Variants in CYP2B6 observed in about 807,000 individuals in gnomAD.
CYP2B6 encodes the protein cytochrome P450 2B6.
A neutral mutation model predicts 43.4 loss-of-function variants in CYP2B6; 35 were observed. The ratio of observed to expected loss-of-function variants is 0.81; its 90% CI spans 0.62 to 1.07. The LOEUF (loss-of-function observed/expected upper bound fraction) is 1.07, where lower values mean the gene tolerates loss of function less well. Ranked by LOEUF, CYP2B6 falls within the 50% of genes least tolerant of loss-of-function variation. The pLI, the probability that CYP2B6 is intolerant of heterozygous loss-of-function variation, is 0.00. For synonymous variants in CYP2B6, 239 were observed against 239.2 expected (o/e 1.00, Z 0.01); for missense variants, 624 against 632.8 (o/e 0.99, Z 0.15).
intron 1 of CYP2B6, among the ~76,000 whole-genome samples, chr19:40,994,243 G>A (rs1419162169): frequency 6.6e-6 from 1 of 152,140 alleles, no homozygotes; most frequent in African/African-American, 2.4e-5. Context: ...AAGCAGCAGT[G>A]AGCTAGGCCA....
chr19:41,009,538 G>A, intron 5 of CYP2B6, 143 bp downstream of exon 5: 1 of 868,240 alleles, frequency 1.2e-6, no homozygotes, highest in South Asian at 1.6e-5. Flanking sequence ...GGAAAGGGAG[G>A]AGAGAACATG....
At chr19:41,009,912 G>T in intron 5 of CYP2B6, 82 bp from the exon 6 acceptor site, 1 of 1,578,532 alleles carries the variant, frequency 6.3e-7, no homozygotes, top group South Asian at 1.1e-5. Context: ...GGCCAACGGA[G>T]GGCAGCCAGG....
chr19:41,006,544 A>G (rs1220646091), intron 3 of CYP2B6, among the ~76,000 whole-genome samples: 3 of 152,000 alleles, frequency 2.0e-5, no homozygotes, highest in Non-Finnish European at 4.4e-5. Flanking sequence ...TCCCAGAGTC[A>G]GAGGTGGGGC....
chr19:40,997,524 A>G (rs981335796), intron 1 of CYP2B6, among the ~76,000 whole-genome samples: 1 of 152,118 alleles, frequency 6.6e-6, no homozygotes, highest in African/African-American at 2.4e-5. Flanking sequence ...TATATATGCC[A>G]ATACTACTAT....
At chr19:41,001,810 A>G (rs2144664706) in intron 1 of CYP2B6, among the ~76,000 whole-genome samples, 1 of 152,308 alleles carries the variant, frequency 6.6e-6, no homozygotes, top group African/African-American at 2.4e-5. Flanking sequence ...ATTGGCAGAG[A>G]CAGATAAGCA....
At chr19:41,007,144 T>C (rs1374309010) in intron 4 of CYP2B6, 79 bp downstream of exon 4, 6 of 1,420,850 alleles carry the variant, frequency 4.2e-6, no homozygotes, top group Non-Finnish European at 6.0e-6. Flanking sequence ...TGACCTGTCT[T>C]GGGGGCTCAG....
rs777476154 is a variant in CYP2B6, at chr19:41,012,453, C to A, written c.1120C>A (p.His374Asn). 1.2e-6 allele frequency: 2 copies of A among 1,614,146 alleles called. No homozygotes were observed. Among genetic ancestry groups the A allele is most frequent in the Non-Finnish European group, 1.7e-6 (2 of 1,179,986 alleles). ...GGGTGTGCCCCACATTGTCACCCAA[C>A]ACACCAGCTTCCGAGGGTACATCAT... ...PMGVPHIVTQ[H>N]TSFRGYIIPK... The change falls in exon 7 of 9, where the codon CAC (histidine) becomes AAC (asparagine). Residue 374 changes from histidine to asparagine, a missense_variant. His to Asn is a moderately conservative substitution (Grantham distance 68). Coordinates refer to ENST00000324071, the MANE Select transcript of CYP2B6 (RefSeq NM_000767.5).
intron 1 of CYP2B6, among the ~76,000 whole-genome samples, chr19:41,001,457 C>T (rs1488279451): frequency 6.6e-6 from 1 of 152,060 alleles, no homozygotes; most frequent in African/African-American, 2.4e-5. Flanking sequence ...TTCTCCATTT[C>T]CCAATAAGCT....
intron 8 of CYP2B6, among the ~76,000 whole-genome samples, chr19:41,016,433 A>G (rs71337576): frequency 0.48 from 45,808 of 96,384 alleles, 11,812 homozygotes; most frequent in Middle Eastern, 0.64. Flanking sequence ...AAAAAAAAAA[A>G]AGAGAGAGAG....
At chr19:41,000,551 G>T (rs970105952) in intron 1 of CYP2B6, among the ~76,000 whole-genome samples, 1 of 152,146 alleles carries the variant, frequency 6.6e-6, no homozygotes. Context: ...TACAGGTAAA[G>T]GTCCCAAGTG....
chr19:41,008,684 A>G (rs1461843473), intron 4 of CYP2B6, among the ~76,000 whole-genome samples: 1 of 152,048 alleles, frequency 6.6e-6, no homozygotes, highest in Non-Finnish European at 1.5e-5. Flanking sequence ...AGAGATTAAG[A>G]AGGAAATTTA....
intron 4 of CYP2B6, among the ~76,000 whole-genome samples, chr19:41,008,621 A>G (rs1969231898): frequency 6.6e-6 from 1 of 151,762 alleles, no homozygotes; most frequent in Non-Finnish European, 1.5e-5. Context: ...AACCACAGAG[A>G]AAAGTCTGGA....
At position 41,017,077 on chromosome 19, in the gene CYP2B6, C is replaced by T; in HGVS notation, c.*250C>T. On this transcript the variant is annotated 3_prime_UTR_variant, in exon 9 of 9. Coordinates refer to ENST00000324071, the MANE Select transcript of CYP2B6 (RefSeq NM_000767.5). ...TTGTTTTTTGAGACAGAGTCTCACA[C>T]TGTTGCCCAGGCTGGAGTGCAGTGG... 1 of 295,046 alleles carries T rather than the reference C, an allele frequency of 3.4e-6. No homozygotes were observed. The highest frequency in any genetic ancestry group is 6.5e-6 in the Non-Finnish European group (1 of 154,398). The allele number at this position is 295,046 out of a possible 1,614,324, so 18.3% of individuals were successfully genotyped here.
Position 41,016,674 on chromosome 19 carries a change from C to T in CYP2B6, c.1323C>T (p.Ile441=), listed in dbSNP as rs143488417. Reference sequence around the variant, plus strand: ...AGCGGATTTGTCTTGGTGAAGGCATCGCCCGTGCGGAATTGTTCCTCTTCT... The same window carrying T: ...AGCGGATTTGTCTTGGTGAAGGCATTGCCCGTGCGGAATTGTTCCTCTTCT... ...LGKRICLGEG[I]ARAELFLFFT... The change falls in exon 9 of 9, where the codon ATC becomes ATT. Residue 441 remains isoleucine, a synonymous_variant. Coordinates refer to ENST00000324071, the MANE Select transcript of CYP2B6 (RefSeq NM_000767.5). The T allele has an allele frequency of 1.3e-4, 210 of 1,614,188 alleles. 1 individual carries two copies. The highest frequency in any genetic ancestry group is 1.1e-3 in the African/African-American group (84 of 75,062).
At chr19:41,004,698 A>G (rs992881403) in intron 3 of CYP2B6, among the ~76,000 whole-genome samples, 1 of 151,896 alleles carries the variant, frequency 6.6e-6, no homozygotes, top group Admixed American at 6.6e-5. Context: ...TCCAAGAGTT[A>G]CTCAAAGAGG....
At chr19:41,009,718 AACTC>A (rs1969248488) in intron 5 of CYP2B6, 1 of 595,188 alleles carries the variant, frequency 1.7e-6, no homozygotes, top group Non-Finnish European at 3.0e-6. Flanking sequence ...CAAGAGAAAA[AACTC>A]ACAGAGGCAG....
chr19:40,993,585 T>C (rs142110274), intron 1 of CYP2B6, among the ~76,000 whole-genome samples: 91 of 152,184 alleles, frequency 6.0e-4, no homozygotes, highest in Non-Finnish European at 1.1e-3. Flanking sequence ...TACCTCCTAC[T>C]AGGTCCTTCC....
intron 8 of CYP2B6, among the ~76,000 whole-genome samples, chr19:41,016,164 G>C (rs8109848): frequency 0.26 from 39,277 of 151,910 alleles, 6,088 homozygotes; most frequent in East Asian, 0.43. Flanking sequence ...GGGAGGCCAA[G>C]GCAGGTGGAT....
chr19:40,994,318 A>G (rs1322995279), intron 1 of CYP2B6, among the ~76,000 whole-genome samples: 2 of 152,114 alleles, frequency 1.3e-5, no homozygotes, highest in African/African-American at 4.8e-5. Context: ...TACTCAAGGT[A>G]GGCACTCGTG....
Sources: gnomAD v4.1 joint callset for allele counts (sites outside exome capture counted in the v4.1 genomes callset) on GRCh38, gnomAD v4.1.1 for gene constraint, MANE v1.5 for transcripts, NCBI Gene and HGNC (gene_info 2026-07-23, HGNC 2026-07-21) for gene names.